Variants in COL19A1 observed in about 807,000 individuals in gnomAD.
COL19A1 encodes the protein collagen type XIX alpha 1 chain, also known as collagen alpha-1(XIX) chain.
In COL19A1, 159 loss-of-function variants were observed where a neutral mutation model predicts 190.2. The ratio of observed to expected loss-of-function variants is 0.84; its 90% CI spans 0.73 to 0.95. COL19A1 has a LOEUF of 0.95. COL19A1 is among the 40% of genes least tolerant of loss of function. The probability of loss-of-function intolerance (pLI) is 0.00; values close to 1 mark genes in which losing one functional copy is unlikely to be tolerated. For missense variants in COL19A1, 1,418 were observed against 1,431.9 expected (o/e 0.99, Z 0.16); for synonymous variants, 509 against 458.9 (o/e 1.11, Z -1.39).
At chr6:69,915,975 C>T (rs1028839101) in intron 4 of COL19A1, among the ~76,000 whole-genome samples, 8 of 140,688 alleles carry the variant, frequency 5.7e-5, no homozygotes, top group African/African-American at 2.1e-4. Context: ...GTCTTGCTGT[C>T]GCCCAGGCTG....
At chr6:69,899,721 C>G (rs1249652009) in intron 3 of COL19A1, among the ~76,000 whole-genome samples, 1 of 152,016 alleles carries the variant, frequency 6.6e-6, no homozygotes, top group Non-Finnish European at 1.5e-5. Context: ...TCCTTCTTTT[C>G]CTCCTCCTTC....
At chr6:69,925,853 A>G (rs1037871041) in intron 4 of COL19A1, among the ~76,000 whole-genome samples, 90 of 152,246 alleles carry the variant, frequency 5.9e-4, no homozygotes, top group African/African-American at 2.1e-3. Flanking sequence ...AAGTAATTGC[A>G]AATGGGAGTT....
At chr6:70,201,848 G>T (rs778305786) in intron 49 of COL19A1, among the ~76,000 whole-genome samples, 2 of 152,162 alleles carry the variant, frequency 1.3e-5, no homozygotes, top group South Asian at 2.1e-4. Context: ...TCACTGAAAA[G>T]AAAGAAAATG....
chr6:69,884,339 C>CA (rs201679191), intron 2 of COL19A1, among the ~76,000 whole-genome samples: 6,094 of 77,824 alleles, frequency 0.078, 154 homozygotes, highest in Middle Eastern at 0.12. Flanking sequence ...GACTTTGTCT[C>CA]AAAAAAAAAA....
chr6:69,872,985 T>A (rs775688242), intron 1 of COL19A1, among the ~76,000 whole-genome samples: 1 of 152,230 alleles, frequency 6.6e-6, no homozygotes, highest in Non-Finnish European at 1.5e-5. Flanking sequence ...AGCATTTTAG[T>A]CAGGCAGACT....
chr6:69,878,334 C>G (rs1768273569), intron 1 of COL19A1, among the ~76,000 whole-genome samples: 1 of 151,996 alleles, frequency 6.6e-6, no homozygotes, highest in Non-Finnish European at 1.5e-5. Context: ...CTGCCTCAGC[C>G]TTCCGAGTAG....
At chr6:69,970,529 A>C (rs1775369805) in intron 11 of COL19A1, among the ~76,000 whole-genome samples, 1 of 152,226 alleles carries the variant, frequency 6.6e-6, no homozygotes, top group Non-Finnish European at 1.5e-5. Context: ...TCAAAGTTGA[A>C]ATTTTTTTTT....
At chr6:69,954,991 A>C (rs1446787378) in intron 9 of COL19A1, among the ~76,000 whole-genome samples, 2 of 152,110 alleles carry the variant, frequency 1.3e-5, no homozygotes, top group Non-Finnish European at 2.9e-5. Flanking sequence ...TTTATATCTT[A>C]AATCATCTTT....
intron 15 of COL19A1, among the ~76,000 whole-genome samples, chr6:70,070,781 A>G (rs1781499610): frequency 6.6e-6 from 1 of 152,244 alleles, no homozygotes; most frequent in Admixed American, 6.5e-5. Flanking sequence ...GTGTATATAC[A>G]TATGTGTGTA....
At chr6:70,104,282 C>T (rs1019301054) in intron 16 of COL19A1, among the ~76,000 whole-genome samples, 3 of 152,162 alleles carry the variant, frequency 2.0e-5, no homozygotes, top group Admixed American at 2.0e-4. Flanking sequence ...AATTGACTCA[C>T]AGTTCCACAG....
intron 4 of COL19A1, among the ~76,000 whole-genome samples, chr6:69,924,655 C>T (rs867369063): frequency 9.2e-5 from 14 of 152,158 alleles, no homozygotes; most frequent in Admixed American, 2.6e-4. Context: ...CCTGAGGAAT[C>T]GCCACACTCT....
rs1020170568 is a variant in COL19A1 at position 69,891,499 on chromosome 6, G to A, written c.92-7449G>A. ...AGATGAATGGCTACCCATCTAGAATGAGGGGAGCAGGCATGCCTGGTTTTC... is the reference window on the plus strand; with the variant it reads ...AGATGAATGGCTACCCATCTAGAATAAGGGGAGCAGGCATGCCTGGTTTTC... On this transcript the variant is annotated intron_variant, in intron 2 of 50. Coordinates refer to ENST00000620364, the MANE Select transcript of COL19A1 (RefSeq NM_001858.6). Among the ~76,000 whole-genome samples the A allele has an allele frequency of 2.6e-5, 4 of 152,200 alleles. No homozygotes were observed. In the South Asian group the frequency reaches 6.2e-4, roughly 24 times the overall value.
chr6:70,180,173 A>G (rs1766079632), intron 42 of COL19A1, 139 bp from the exon 43 acceptor site: 1 of 892,814 alleles, frequency 1.1e-6, no homozygotes, highest in Non-Finnish European at 1.7e-6. Context: ...GACATGAGCC[A>G]CCACACCTGG....
chr6:70,091,055 ACT>A (rs1782898825), intron 15 of COL19A1, among the ~76,000 whole-genome samples: 1 of 151,966 alleles, frequency 6.6e-6, no homozygotes, highest in African/African-American at 2.4e-5. Flanking sequence ...TTCCTGTATA[ACT>A]CTGTACTGCC....
chr6:70,049,971 G>C (rs369437679), intron 14 of COL19A1, among the ~76,000 whole-genome samples: 1 of 151,926 alleles, frequency 6.6e-6, no homozygotes, highest in African/African-American at 2.4e-5. Context: ...AAAAGGATTC[G>C]AATTATATTA....
intron 11 of COL19A1, among the ~76,000 whole-genome samples, chr6:69,998,186 C>T (rs998232066): frequency 8.5e-5 from 13 of 152,178 alleles, no homozygotes; most frequent in African/African-American, 3.1e-4. Context: ...AAAATGAATT[C>T]CTTGCTAGCA....
chr6:70,073,405 G>T (rs1336248496), intron 15 of COL19A1, among the ~76,000 whole-genome samples: 1 of 152,088 alleles, frequency 6.6e-6, no homozygotes, highest in Non-Finnish European at 1.5e-5. Flanking sequence ...TGCTAATAAC[G>T]CCTACCCCAC....
chr6:70,068,326 T>A (rs1044807665), intron 14 of COL19A1, 97 bp from the exon 15 acceptor site: 1 of 856,430 alleles, frequency 1.2e-6, no homozygotes, highest in Admixed American at 1.8e-5. Context: ...TAAAAGTTTG[T>A]TTTAATCAAC....
At chr6:70,157,532 T>C (rs1787515632) in intron 34 of COL19A1, among the ~76,000 whole-genome samples, 1 of 152,114 alleles carries the variant, frequency 6.6e-6, no homozygotes, top group Non-Finnish European at 1.5e-5. Flanking sequence ...GAAAATCTAT[T>C]TTTCTAGGTG....
Sources: gnomAD v4.1 joint callset for allele counts (sites outside exome capture counted in the v4.1 genomes callset) on GRCh38, gnomAD v4.1.1 for gene constraint, MANE v1.5 for transcripts, NCBI Gene and HGNC (gene_info 2026-07-23, HGNC 2026-07-21) for gene names.